FRMPD4: variants seen among roughly 807,000 people sequenced by gnomAD.
FRMPD4 encodes the protein FERM and PDZ domain-containing protein 4.
FRMPD4 carries 22 observed loss-of-function variants against 94.1 expected under a neutral mutation model. The observed-to-expected ratio is 0.23, with a 90% CI of 0.17 to 0.33. The LOEUF is 0.33. Ranked by LOEUF, FRMPD4 falls within the 10% of genes least tolerant of loss-of-function variation. The pLI is 1.00. For synonymous variants in FRMPD4, 631 were observed against 548.6 expected (o/e 1.15, Z -2.10); for missense variants, 1,111 against 1,339.9 (o/e 0.83, Z 2.67).
intron 1 of FRMPD4, among the ~76,000 whole-genome samples, chrX:12,225,946 C>CG (rs781242081): frequency 8.9e-6 from 1 of 111,743 alleles, no homozygotes; most frequent in Admixed American, 9.5e-5. Context: ...AGGTATATGA[C>CG]GTCAGCCTGC....
intron 4 of FRMPD4, among the ~76,000 whole-genome samples, chrX:12,632,160 C>T (rs149279057): frequency 1.2e-3 from 132 of 112,110 alleles, no homozygotes; most frequent in Non-Finnish European, 2.2e-3. Flanking sequence ...AGTCTCCCTG[C>T]GTCCCCTTCC....
chrX:12,523,595 G>A (rs925927197), intron 2 of FRMPD4, among the ~76,000 whole-genome samples: 5 of 112,120 alleles, frequency 4.5e-5, no homozygotes, highest in African/African-American at 1.3e-4. Context: ...CCAGCCACTT[G>A]AGGGTGGGCA....
intron 1 of FRMPD4, among the ~76,000 whole-genome samples, chrX:12,146,179 C>T (rs918907003): frequency 3.7e-4 from 41 of 110,177 alleles, no homozygotes; most frequent in Non-Finnish European, 6.1e-4. Flanking sequence ...CTGGCTAACA[C>T]GGTCAAACCC....
chrX:12,168,649 A>G lies in FRMPD4; in HGVS notation c.41+29637A>G, dbSNP rs1222219371. On this transcript the variant is annotated intron_variant, in intron 1 of 16. Transcript: ENST00000675598. ...TTTTTTTTTTTTTTTTTTTTGAGAC[A>G]GAGTCTCACTCTGTCACCCAGGCTG... Among the ~76,000 whole-genome samples the G allele has an allele frequency of 3.7e-5, 3 of 81,264 alleles. No homozygotes were observed. The East Asian group carries it at 1.1e-3, about 30-fold the overall frequency. The allele number at this position is 81,264 out of a possible 115,157, so 70.6% of individuals were successfully genotyped here.
intron 1 of FRMPD4, among the ~76,000 whole-genome samples, chrX:12,338,703 CA>C (rs2055563202): frequency 1.8e-5 from 2 of 112,428 alleles, no homozygotes; most frequent in African/African-American, 6.5e-5. Flanking sequence ...GAGCTTTGGC[CA>C]AACAGTTGGT....
chrX:12,615,793 C>A (rs1675770838), intron 4 of FRMPD4, among the ~76,000 whole-genome samples: 1 of 110,932 alleles, frequency 9.0e-6, no homozygotes, highest in African/African-American at 3.3e-5. Flanking sequence ...ACAGTAATTG[C>A]TGTTTTTGCC....
intron 1 of FRMPD4, among the ~76,000 whole-genome samples, chrX:12,180,413 A>C (rs1440090602): frequency 8.9e-6 from 1 of 111,848 alleles, no homozygotes; most frequent in African/African-American, 3.3e-5. Context: ...GATTGAATTA[A>C]GAGTTAGGGG....
At chrX:11,954,376 G>A (rs148467953) in intron 3 of FRMPD4, among the ~76,000 whole-genome samples, 15 of 112,257 alleles carry the variant, frequency 1.3e-4, no homozygotes, top group Middle Eastern at 4.6e-3. Flanking sequence ...AATCTGGTAC[G>A]TACAATATGT....
At chrX:12,404,644 C>T (rs139012102) in intron 1 of FRMPD4, among the ~76,000 whole-genome samples, 1,196 of 111,919 alleles carry the variant, frequency 0.011, 19 homozygotes, top group African/African-American at 0.037. Flanking sequence ...CTCTTTGTTC[C>T]GCCATTGGGT....
chrX:12,362,898 C>G (rs1229522121), intron 1 of FRMPD4, among the ~76,000 whole-genome samples: 3 of 111,973 alleles, frequency 2.7e-5, no homozygotes, highest in East Asian at 5.6e-4. Context: ...GATCGCCATT[C>G]TAACTGGTGT....
chrX:11,826,977 C>G (rs1292115217), intron 1 of FRMPD4, among the ~76,000 whole-genome samples: 17 of 105,418 alleles, frequency 1.6e-4, no homozygotes, highest in African/African-American at 5.9e-4. Flanking sequence ...GTGTGGCAAA[C>G]TGGGCCTGCA....
At chrX:11,914,569 C>T (rs963381187) in intron 3 of FRMPD4, among the ~76,000 whole-genome samples, 1 of 112,017 alleles carries the variant, frequency 8.9e-6, no homozygotes, top group African/African-American at 3.2e-5. Context: ...GCAAAACCAA[C>T]TGGTGTCCTG....
At chrX:12,068,248 G>C (rs2054937787) in intron 3 of FRMPD4, among the ~76,000 whole-genome samples, 1 of 111,877 alleles carries the variant, frequency 8.9e-6, no homozygotes, top group Non-Finnish European at 1.9e-5. Context: ...CCTTGACCTT[G>C]GCCCAGTGAA....
chrX:12,684,239 T>G (rs1449398716), intron 6 of FRMPD4, among the ~76,000 whole-genome samples: 1 of 112,626 alleles, frequency 8.9e-6, no homozygotes, highest in Non-Finnish European at 1.9e-5. Flanking sequence ...CTGAAGTGTT[T>G]TCAGTTTTTA....
At chrX:12,707,202 A>G (rs185227300) in intron 12 of FRMPD4, among the ~76,000 whole-genome samples, 1 of 111,735 alleles carries the variant, frequency 8.9e-6, no homozygotes, top group African/African-American at 3.2e-5. Flanking sequence ...AAGGAAAACC[A>G]AAAAGAAAAA....
chrX:12,206,567 C>T (rs944084940), intron 1 of FRMPD4, among the ~76,000 whole-genome samples: 6 of 112,029 alleles, frequency 5.4e-5, no homozygotes, highest in Non-Finnish European at 9.4e-5. Context: ...TACCCAGAAT[C>T]CATTCTTATG....
chrX:12,422,832 GT>G (rs1319605624), intron 1 of FRMPD4, among the ~76,000 whole-genome samples: 3 of 111,594 alleles, frequency 2.7e-5, no homozygotes, highest in Admixed American at 9.5e-5. Context: ...CAACACACAG[GT>G]TTTTTTTGGT....
chrX:12,487,420 A>G (rs1316104275), intron 1 of FRMPD4, among the ~76,000 whole-genome samples: 1 of 112,264 alleles, frequency 8.9e-6, no homozygotes, highest in East Asian at 2.8e-4. Flanking sequence ...TCACTACTGG[A>G]AAGTCCCCAC....
At chrX:12,178,413 CTA>C (rs1018015944) in intron 1 of FRMPD4, among the ~76,000 whole-genome samples, 1 of 112,085 alleles carries the variant, frequency 8.9e-6, no homozygotes, top group African/African-American at 3.2e-5. Flanking sequence ...CATTGCTACT[CTA>C]GTCTGCATGA....
Sources: allele counts gnomAD v4.1 joint callset (sites outside exome capture counted in the v4.1 genomes callset), GRCh38; gene constraint gnomAD v4.1.1; transcripts MANE v1.5; gene names NCBI Gene and HGNC (gene_info 2026-07-23, HGNC 2026-07-21).